The following EFCAB13 variants were observed in gnomAD, a reference collection of about 807,000 sequenced individuals.
EFCAB13 encodes the protein EF-hand calcium-binding domain-containing protein 13.
EFCAB13 carries 91 observed loss-of-function variants against 110.2 expected under a neutral mutation model. That is an observed-to-expected ratio of 0.83 (90% CI 0.70 to 0.98). EFCAB13 has a LOEUF of 0.98. Among genes scored for constraint, EFCAB13 ranks in the 50% least tolerant of loss-of-function variants. The pLI, the probability that EFCAB13 is intolerant of heterozygous loss-of-function variation, is 0.00. For synonymous variants in EFCAB13, 323 were observed against 369.9 expected (o/e 0.87, Z 1.45); for missense variants, 968 against 1,119.4 (o/e 0.86, Z 1.93).
intron 4 of EFCAB13, among the ~76,000 whole-genome samples, chr17:47,334,877 G>A (rs1304501384): frequency 6.6e-6 from 1 of 152,004 alleles, no homozygotes; most frequent in Non-Finnish European, 1.5e-5. Context: ...ATTGCACCAC[G>A]GACTCCACCC....
rs770445052 is a variant in EFCAB13, at chr17:47,361,474, TA to T, written c.761del (p.Asn254ThrfsTer5). 2.9e-5 allele frequency: 47 copies of T among 1,613,046 alleles called. No homozygotes were observed. The highest frequency in any genetic ancestry group is 3.8e-5 in the Non-Finnish European group (45 of 1,179,202). ...GTTTTGGATAGCATGGGTATCCCTA[TA>T]AACCGTGAAATTTTAGAAGAAGTGA... ...FAVLDSMGIPINREILEEVTK... is the reference protein window; with the variant it reads ...FAVLDSMGIPXNREILEEVTK... On this transcript the variant is annotated frameshift_variant, in exon 10 of 25. Transcript: ENST00000331493. LOFTEE classifies it high-confidence loss of function.
chr17:47,335,185 A>G lies in EFCAB13; in HGVS notation c.31-11A>G, dbSNP rs1472444452. On this transcript the variant is annotated splice_polypyrimidine_tract_variant and intron_variant, in intron 4 of 24. Coordinates refer to ENST00000331493, the MANE Select transcript of EFCAB13 (RefSeq NM_152347.5). ...GAGGACATGCTTGATTGTGGCTCTTATATTCCCCAGGCAGAGGAAAATATT... is the reference window on the plus strand; with the variant it reads ...GAGGACATGCTTGATTGTGGCTCTTGTATTCCCCAGGCAGAGGAAAATATT... 1 of 1,582,210 alleles carries G rather than the reference A, an allele frequency of 6.3e-7. No individual in the cohort carries two copies. The highest frequency in any genetic ancestry group is 8.6e-7 in the Non-Finnish European group (1 of 1,169,098).
At chr17:47,424,943 C>T (rs1257051874) in intron 23 of EFCAB13, among the ~76,000 whole-genome samples, 2 of 114,900 alleles carry the variant, frequency 1.7e-5, no homozygotes, top group Non-Finnish European at 3.4e-5. Flanking sequence ...AGTGCAGTGG[C>T]GCGATCTCGG....
chr17:47,356,827 G>C (rs1199961309), intron 9 of EFCAB13, among the ~76,000 whole-genome samples: 1 of 152,186 alleles, frequency 6.6e-6, no homozygotes, highest in African/African-American at 2.4e-5. Context: ...CTGCTACCAG[G>C]ATTGGTAGAG....
In EFCAB13 at chr17:47,361,461, A is replaced by G. The variant is rs370593037; in HGVS notation, c.745A>G (p.Met249Val). The change falls in exon 10 of 25, where the codon ATG becomes GTG. Residue 249 changes from methionine to valine, a missense_variant. Transcript: ENST00000331493. ...TGACGTGTTTGCTGTTTTGGATAGC[A>G]TGGGTATCCCTATAAACCGTGAAAT... Reference protein sequence around the residue: ...TDDVFAVLDSMGIPINREILE... With the variant: ...TDDVFAVLDSVGIPINREILE... The G allele has an allele frequency of 8.7e-6, 14 of 1,613,334 alleles. No individual in the cohort carries two copies. Among genetic ancestry groups the G allele is most frequent in the Non-Finnish European group, 1.1e-5 (13 of 1,179,454 alleles).
At position 47,404,648 on chromosome 17, in the gene EFCAB13, G is replaced by A; in HGVS notation, c.2233+15G>A. ...CAATTATATTGGTAAGAGCTTTATG[G>A]TAATACTGTTAGAAGGCAATGATAC... On this transcript the variant is annotated intron_variant, in intron 20 of 24. Transcript: ENST00000331493. The A allele has an allele frequency of 1.3e-6, 2 of 1,586,536 alleles. No homozygotes were observed. The highest frequency in any genetic ancestry group is 2.2e-5 in the East Asian group (1 of 44,554).
intron 24 of EFCAB13, among the ~76,000 whole-genome samples, chr17:47,438,498 C>CTTTTTTTTTTTTT (rs112384926): frequency 7.0e-6 from 1 of 142,346 alleles, no homozygotes; most frequent in Non-Finnish European, 1.5e-5. Flanking sequence ...TAGTCTTATT[C>CTTTTTTTTTTTTT]TTTTTTTTTT....
At chr17:47,402,606 G>A (rs2065784883) in intron 18 of EFCAB13, among the ~76,000 whole-genome samples, 1 of 152,152 alleles carries the variant, frequency 6.6e-6, no homozygotes, top group African/African-American at 2.4e-5. Flanking sequence ...AAGGATTAAG[G>A]GTAGCCATTG....
At chr17:47,381,774 T>C (rs958106774) in intron 14 of EFCAB13, among the ~76,000 whole-genome samples, 5 of 152,164 alleles carry the variant, frequency 3.3e-5, no homozygotes, top group Admixed American at 2.0e-4. Flanking sequence ...TTTAGTATAG[T>C]TTTAAGTCAG....
chr17:47,380,171 G>A (rs2065638846), intron 14 of EFCAB13, among the ~76,000 whole-genome samples: 1 of 152,146 alleles, frequency 6.6e-6, no homozygotes, highest in African/African-American at 2.4e-5. Flanking sequence ...ATGGTGGTTT[G>A]CTGCACCCTT....
At chr17:47,371,442 A>ATGGT (rs1256658538) in intron 11 of EFCAB13, among the ~76,000 whole-genome samples, 1 of 152,130 alleles carries the variant, frequency 6.6e-6, no homozygotes, top group African/African-American at 2.4e-5. Flanking sequence ...TCTTCTGCAT[A>ATGGT]TGGTTATCCA....
chr17:47,377,882 G>A lies in EFCAB13; in HGVS notation c.1489G>A (p.Val497Met). The stretch of plus-strand genomic sequence containing the variant: ...ATTAGATGAAGAATTCCAGAAGATT[G>A]TGACAGACACTAGTAGAAATGGTGA... ...NLLDEEFQKI[V>M]TDTSRNENGM... The change falls in exon 13 of 25, where the codon GTG becomes ATG. Residue 497 changes from valine to methionine, a missense_variant. Val to Met is a conservative substitution (Grantham distance 21). Coordinates refer to ENST00000331493, the MANE Select transcript of EFCAB13 (RefSeq NM_152347.5). The A allele has an allele frequency of 1.3e-6, 2 of 1,590,834 alleles. No individual in the cohort carries two copies. Among genetic ancestry groups the A allele is most frequent in the Non-Finnish European group, 1.7e-6 (2 of 1,174,466 alleles).
chr17:47,428,881 GA>G (rs1454723950), intron 23 of EFCAB13, among the ~76,000 whole-genome samples: 1 of 151,952 alleles, frequency 6.6e-6, no homozygotes, highest in Admixed American at 6.6e-5. Context: ...TCTCATTGGA[GA>G]AAAAACACAA....
intron 23 of EFCAB13, among the ~76,000 whole-genome samples, chr17:47,427,276 C>T (rs756621073): frequency 1.3e-5 from 2 of 151,986 alleles, no homozygotes; most frequent in African/African-American, 4.8e-5. Context: ...AATTAGAAGA[C>T]AATTGGCAAA....
chr17:47,381,627 T>C (rs895435525), intron 14 of EFCAB13, among the ~76,000 whole-genome samples: 2 of 152,214 alleles, frequency 1.3e-5, no homozygotes, highest in Non-Finnish European at 2.9e-5. Context: ...CCCCATTGCT[T>C]GTTTCTGTCA....
intron 23 of EFCAB13, among the ~76,000 whole-genome samples, chr17:47,418,275 G>A (rs1037831805): frequency 6.6e-6 from 1 of 152,116 alleles, no homozygotes; most frequent in Non-Finnish European, 1.5e-5. Flanking sequence ...TTAAATCCTG[G>A]TGCTTGCTTC....
intron 14 of EFCAB13, among the ~76,000 whole-genome samples, chr17:47,389,578 C>CT (rs551358125): frequency 0.04 from 5,394 of 135,144 alleles, 169 homozygotes; most frequent in East Asian, 0.19. Flanking sequence ...CTCATTTCAT[C>CT]TTTTTTTTTT....
intron 5 of EFCAB13, among the ~76,000 whole-genome samples, chr17:47,335,953 A>G (rs567133044): frequency 1.3e-5 from 2 of 152,302 alleles, no homozygotes; most frequent in African/African-American, 2.4e-5. Flanking sequence ...ACTATATCAC[A>G]TGTGGAAGCC....
At chr17:47,421,577 T>G (rs2143495021) in intron 23 of EFCAB13, among the ~76,000 whole-genome samples, 1 of 144,142 alleles carries the variant, frequency 6.9e-6, no homozygotes, top group Non-Finnish European at 1.5e-5. Flanking sequence ...TATTGTCCTA[T>G]GACCGTGCCA....
Sources: allele counts gnomAD v4.1 joint callset (sites outside exome capture counted in the v4.1 genomes callset), GRCh38; gene constraint gnomAD v4.1.1; transcripts MANE v1.5; gene names NCBI Gene and HGNC (gene_info 2026-07-23, HGNC 2026-07-21).